Variants in XK observed in about 807,000 individuals in gnomAD.
XK encodes endoplasmic reticulum membrane adapter protein XK.
In XK, 2 loss-of-function variants were observed where a neutral mutation model predicts 14.0. The ratio of observed to expected loss-of-function variants is 0.14; its 90% confidence interval spans 0.06 to 0.45. The LOEUF (loss-of-function observed/expected upper bound fraction) is 0.45, where lower values mean the gene tolerates loss of function less well. Among genes scored for constraint, XK ranks in the 20% least tolerant of loss-of-function variants. The probability of loss-of-function intolerance (pLI) is 0.98; values close to 1 mark genes in which losing one functional copy is unlikely to be tolerated. For synonymous variants in XK, 149 were observed against 147.5 expected, an observed-to-expected ratio of 1.01 and a Z score of -0.08; for missense variants, 235 against 341.5, an observed-to-expected ratio of 0.69 and a Z score of 2.46.
intron 2 of XK, among the ~76,000 whole-genome samples, chrX:37,712,651 A>G (rs1250571227): frequency 2.7e-5 from 3 of 111,453 alleles, no homozygotes; most frequent in Non-Finnish European, 5.7e-5. Context: ...TTTTGTTGCA[A>G]TGGAGAGAGT....
At position 37,728,067 on chromosome X, in the gene XK, T is replaced by C. The variant is rs1289528621; in HGVS notation, c.940T>C (p.Trp314Arg). 2 of 1,209,471 alleles carry C rather than the reference T, an allele frequency of 1.7e-6. No homozygotes were observed. The highest frequency in any genetic ancestry group is 2.2e-6 in the Non-Finnish European group (2 of 895,111). Residue 314 changes from tryptophan to arginine, a missense_variant, in exon 3 of 3, where the codon TGG becomes CGG. Trp to Arg is a moderately radical substitution (Grantham distance 101). Coordinates refer to ENST00000378616, the MANE Select transcript of XK (RefSeq NM_021083.4). ...TGACCTCATCAGCAAGTCCCATAATTGGTACCAGCTACTGGTGTATTACAT... is the reference window on the plus strand; with the variant it reads ...TGACCTCATCAGCAAGTCCCATAATCGGTACCAGCTACTGGTGTATTACAT... ...SPDLISKSHN[W>R]YQLLVYYMIR...
rs782109542 is a variant in XK, at chrX:37,721,797, C to A, written c.509-5839C>A. On this transcript the variant is annotated intron_variant, in intron 2 of 2. Transcript: ENST00000378616. ...CAATAGCCAAAAGGTAGAAACTATC[C>A]AAATGTTTATCAACTGATGAATGGA... 1.2e-4 allele frequency among the ~76,000 whole-genome samples: 13 copies of A among 111,490 alleles called. No homozygotes were observed. The South Asian group carries it at 3.7e-3, about 32-fold the overall frequency.
At chrX:37,687,173 T>G (rs1207091096) in intron 1 of XK, among the ~76,000 whole-genome samples, 5 of 100,637 alleles carry the variant, frequency 5.0e-5, no homozygotes, top group Non-Finnish European at 9.8e-5. Context: ...TCTCTCTCTC[T>G]CTCTCTTTCT....
In XK at chrX:37,728,347, C is replaced by T. The variant is rs782770909; in HGVS notation, c.1220C>T (p.Pro407Leu). ...TGCAGGCAGCAAAAACCCTGTGAGC[C>T]GATAGGAAAGGAAGATCTACAGTCA... is the stretch of plus-strand genomic sequence containing the variant. ...WACRQQKPCE[P>L]IGKEDLQSSR... Residue 407 changes from proline to leucine, a missense_variant, in exon 3 of 3, where the codon CCG becomes CTG. Physicochemically the swap from Pro to Leu is moderately conservative, Grantham distance 98. Transcript: ENST00000378616. The T allele has an allele frequency of 3.0e-5, 36 of 1,208,287 alleles. No homozygotes were observed. The highest frequency in any genetic ancestry group is 3.8e-5 in the Non-Finnish European group (34 of 894,861).
At position 37,686,129 on chromosome X, in the gene XK, C is replaced by G. The variant is rs782167001; in HGVS notation, c.168C>G (p.Leu56=). 3 of 1,210,866 alleles carry G rather than the reference C, an allele frequency of 2.5e-6. No homozygotes were observed. The change falls in exon 1 of 3, where the codon CTC becomes CTG. Residue 56 remains leucine (L), a synonymous_variant. Coordinates refer to ENST00000378616, the MANE Select transcript of XK (RefSeq NM_021083.4). Reference sequence around the variant, plus strand: ...GCGCGCTCGTGCAGCTCACGCTTCTCTTCGTACACCGCGACCTCAGCCGCG... The same window carrying G: ...GCGCGCTCGTGCAGCTCACGCTTCTGTTCGTACACCGCGACCTCAGCCGCG... ...LPCALVQLTL[L]FVHRDLSRDR...
chrX:37,704,558 G>A (rs7053065), intron 2 of XK, among the ~76,000 whole-genome samples: 20,775 of 109,389 alleles, frequency 0.19, 1,451 homozygotes, highest in African/African-American at 0.24. Flanking sequence ...AGTATCAGCC[G>A]GGCGTGGTGG....
At chrX:37,713,214 G>A (rs1344131543) in intron 2 of XK, among the ~76,000 whole-genome samples, 1 of 111,994 alleles carries the variant, frequency 8.9e-6, no homozygotes, top group Admixed American at 9.5e-5. Context: ...TGGCAATTTG[G>A]TACTGTTTAA....
At chrX:37,703,650 G>T (rs1354752646) in intron 2 of XK, among the ~76,000 whole-genome samples, 1 of 112,277 alleles carries the variant, frequency 8.9e-6, no homozygotes, top group Non-Finnish European at 1.9e-5. Flanking sequence ...ATAGTAATCA[G>T]CTCTTATAAA....
rs1556442121 is a variant in XK, at chrX:37,694,337, T to A, written c.297T>A (p.Pro99=). 5.0e-6 allele frequency: 6 copies of A among 1,211,647 alleles called. No individual in the cohort carries two copies. Among genetic ancestry groups the A allele is most frequent in the Non-Finnish European group, 5.6e-6 (5 of 895,313 alleles). Residue 99 remains proline (P), a synonymous_variant, in exon 2 of 3, where the codon CCT becomes CCA. Transcript: ENST00000378616. ...TTCAGTCAGGCAACAATGAAGAGCC[T>A]TATGTCAGTATCACCAAGAAGAGGC... ...IYFQSGNNEE[P]YVSITKKRQM...
rs147647676 is a variant in XK at position 37,700,611 on chromosome X, G to A, written c.508+6063G>A. On this transcript the variant is annotated intron_variant, in intron 2 of 2. Coordinates refer to ENST00000378616, the MANE Select transcript of XK (RefSeq NM_021083.4). ...GGTTGGTGAGAGCACTGGCCCTGGC[G>A]GGAGGAGCTGACTGGGGATAAAGAT... Among the ~76,000 whole-genome samples, 767 of 111,548 alleles carry A rather than the reference G, an allele frequency of 6.9e-3. 1 individual carries two copies. The highest frequency in any genetic ancestry group is 0.01 in the Non-Finnish European group (534 of 53,047).
chrX:37,720,494 A>G (rs1013482694), intron 2 of XK, among the ~76,000 whole-genome samples: 75 of 111,009 alleles, frequency 6.8e-4, no homozygotes, highest in Admixed American at 4.8e-4. Flanking sequence ...CCACAAGGCT[A>G]ATTACTGTTT....
intron 2 of XK, among the ~76,000 whole-genome samples, chrX:37,709,588 C>T (rs887837592): frequency 7.2e-5 from 8 of 111,834 alleles, no homozygotes; most frequent in African/African-American, 2.6e-4. Context: ...CAAAGAGTTA[C>T]ATAAATTATA....
chrX:37,726,530 C>T (rs1927978365), intron 2 of XK, among the ~76,000 whole-genome samples: 1 of 111,136 alleles, frequency 9.0e-6, no homozygotes, highest in African/African-American at 3.3e-5. Flanking sequence ...TGTTGGCAGC[C>T]TGTAGTAAGT....
chrX:37,725,991 A>G (rs1556449922), intron 2 of XK, among the ~76,000 whole-genome samples: 1 of 112,001 alleles, frequency 8.9e-6, no homozygotes, highest in Non-Finnish European at 1.9e-5. Flanking sequence ...ATTTTTACAC[A>G]GTGAAACTAC....
intron 1 of XK, 47 bp from the exon 2 acceptor site, chrX:37,694,239 G>T: frequency 8.3e-7 from 1 of 1,206,197 alleles, no homozygotes; most frequent in South Asian, 1.8e-5. Flanking sequence ...TGGAAAGTCA[G>T]AATCCTGTCT....
chrX:37,702,754 C>T (rs1400326354), intron 2 of XK, among the ~76,000 whole-genome samples: 2 of 112,490 alleles, frequency 1.8e-5, no homozygotes, highest in East Asian at 5.5e-4. Context: ...GAGTTTGTTA[C>T]TCTCACTACA....
At chrX:37,690,807 T>C (rs781949664) in intron 1 of XK, among the ~76,000 whole-genome samples, 4 of 112,136 alleles carry the variant, frequency 3.6e-5, no homozygotes, top group Non-Finnish European at 7.5e-5. Flanking sequence ...TTGGTGTAGA[T>C]GATACTGAAA....
chrX:37,686,333 C>T, intron 1 of XK, 127 bp downstream of exon 1: 3 of 1,103,888 alleles, frequency 2.7e-6, no homozygotes, highest in South Asian at 4.1e-5. Flanking sequence ...CAAGCCGGTC[C>T]GCCATGCCCC....
rs1428758925 is a variant in XK, at chrX:37,686,219, G to T, written c.245+13G>T. ...GGCCCCTTTTCAGGTGCGTGCAGAA[G>T]CCCAGAGCCAGCCCCAGGCCGCAGC... On this transcript the variant is annotated intron_variant, in intron 1 of 2. Coordinates refer to ENST00000378616, the MANE Select transcript of XK (RefSeq NM_021083.4). The T allele has an allele frequency of 4.2e-6, 5 of 1,203,694 alleles. No individual in the cohort carries two copies. The highest frequency in any genetic ancestry group is 5.6e-6 in the Non-Finnish European group (5 of 894,092).
Sources: gnomAD v4.1 joint callset for allele counts (sites outside exome capture counted in the v4.1 genomes callset) on GRCh38, gnomAD v4.1.1 for gene constraint, MANE v1.5 for transcripts, NCBI Gene and HGNC (gene_info 2026-07-23, HGNC 2026-07-21) for gene names.